SOBP: variants seen among roughly 807,000 people sequenced by gnomAD.
SOBP encodes sine oculis binding protein homolog.
Under a neutral mutation model 53.6 loss-of-function variants are expected in SOBP, and 4 were observed. The ratio of observed to expected loss-of-function variants is 0.07; its 90% confidence interval spans 0.04 to 0.17. The LOEUF (loss-of-function observed/expected upper bound fraction) is 0.17. SOBP is among the 10% of genes least tolerant of loss of function. The pLI is 1.00. For missense variants in SOBP, 1,088 were observed against 1,204.7 expected, an observed-to-expected ratio of 0.90 and a Z score of 1.43; for synonymous variants, 584 against 522.6, an observed-to-expected ratio of 1.12 and a Z score of -1.60.
chr6:107,610,610 G>A (rs1348480952), intron 5 of SOBP, among the ~76,000 whole-genome samples: 2 of 152,226 alleles, frequency 1.3e-5, no homozygotes, highest in Non-Finnish European at 2.9e-5. Context: ...AGCTCTTCAA[G>A]TGATTCTAAT....
intron 2 of SOBP, among the ~76,000 whole-genome samples, chr6:107,505,737 G>A (rs1782973328): frequency 6.6e-6 from 1 of 152,114 alleles, no homozygotes; most frequent in Non-Finnish European, 1.5e-5. Flanking sequence ...TGCAACCTCG[G>A]CCTCGCAGAT....
Position 107,633,951 on chromosome 6 carries a change from T to C in SOBP, c.1107T>C (p.Pro369=). The C allele has an allele frequency of 6.2e-7, 1 of 1,614,210 alleles. No individual in the cohort carries two copies. Among genetic ancestry groups the C allele is most frequent in the Non-Finnish European group, 8.5e-7 (1 of 1,180,026 alleles). ...PNIPPVSVQP[P]ASIGPPLGVP... ...TCCCTCCTGTCTCCGTCCAGCCACCTGCTAGCATCGGGCCTCCCCTTGGCG... is the reference window on the plus strand; with the variant it reads ...TCCCTCCTGTCTCCGTCCAGCCACCCGCTAGCATCGGGCCTCCCCTTGGCG... Residue 369 remains proline (P), a synonymous_variant, in exon 6 of 7, where the codon CCT becomes CCC. Coordinates refer to ENST00000317357, the MANE Select transcript of SOBP (RefSeq NM_018013.4).
intron 4 of SOBP, among the ~76,000 whole-genome samples, chr6:107,547,296 A>G (rs1784327386): frequency 1.3e-5 from 2 of 152,234 alleles, no homozygotes; most frequent in Non-Finnish European, 2.9e-5. Flanking sequence ...ACTTGGTCCC[A>G]TCTGTAGGGG....
chr6:107,502,035 T>G (rs576397955), intron 1 of SOBP, among the ~76,000 whole-genome samples: 69 of 152,310 alleles, frequency 4.5e-4, no homozygotes, highest in African/African-American at 1.6e-3. Flanking sequence ...CAGTTGGAGT[T>G]CAGAGCTTAC....
rs1024630027 is a variant in SOBP at position 107,516,298 on chromosome 6, C to G, written c.421+9871C>G. Among the ~76,000 whole-genome samples, 49 of 151,994 alleles carry G rather than the reference C, an allele frequency of 3.2e-4. 1 individual carries two copies. The highest frequency in any genetic ancestry group is 3.4e-3 in the Middle Eastern group (1 of 294). Reference sequence around the variant, plus strand: ...CCTTCACGGCAAAACCTAGTCTGTACTAAAAATACAAAAATTAGTAGGGTG... The same window carrying G: ...CCTTCACGGCAAAACCTAGTCTGTAGTAAAAATACAAAAATTAGTAGGGTG... On this transcript the variant is annotated intron_variant, in intron 3 of 6. Transcript: ENST00000317357.
chr6:107,546,494 C>T (rs1474882491), intron 4 of SOBP, among the ~76,000 whole-genome samples: 1 of 152,160 alleles, frequency 6.6e-6, no homozygotes, highest in Admixed American at 6.5e-5. Flanking sequence ...GGGCATCCAG[C>T]CTCTCTCAAG....
chr6:107,523,250 G>A (rs1316976206), intron 3 of SOBP, among the ~76,000 whole-genome samples: 2 of 152,160 alleles, frequency 1.3e-5, no homozygotes, highest in African/African-American at 4.8e-5. Context: ...GGACTATTTT[G>A]GCATGCTGTG....
rs763967126 is a variant in SOBP, at chr6:107,506,222, A to T, written c.236-20A>T. 5 of 1,609,484 alleles carry T rather than the reference A, an allele frequency of 3.1e-6. No individual in the cohort carries two copies. In the East Asian group the frequency reaches 1.1e-4, roughly 36 times the overall value. On this transcript the variant is annotated intron_variant, in intron 2 of 6. Coordinates refer to ENST00000317357, the MANE Select transcript of SOBP (RefSeq NM_018013.4). ...ATTACATTCCTTGGTCACATTGAAT[A>T]TGATTTTTTTCTTTTACAGAAAATT...
intron 6 of SOBP, among the ~76,000 whole-genome samples, chr6:107,638,128 G>A (rs77121799): frequency 0.034 from 5,242 of 152,290 alleles, 279 homozygotes; most frequent in East Asian, 0.14. Flanking sequence ...CAGAAGTTCC[G>A]TGTCACCTCA....
chr6:107,623,743 G>T (rs1770333561), intron 5 of SOBP, among the ~76,000 whole-genome samples: 1 of 152,176 alleles, frequency 6.6e-6, no homozygotes, highest in Non-Finnish European at 1.5e-5. Flanking sequence ...ACCCTCAAAA[G>T]ACCTTGAATA....
At chr6:107,562,057 G>C (rs1784787885) in intron 4 of SOBP, among the ~76,000 whole-genome samples, 2 of 148,756 alleles carry the variant, frequency 1.3e-5, no homozygotes, top group South Asian at 4.2e-4. Context: ...TTGAGACAGG[G>C]TCTCACTTTG....
intron 4 of SOBP, among the ~76,000 whole-genome samples, chr6:107,568,388 G>C (rs1314476347): frequency 6.6e-6 from 1 of 152,080 alleles, no homozygotes; most frequent in East Asian, 1.9e-4. Context: ...GATGAACAAC[G>C]GACTCAAATG....
chr6:107,540,799 G>A (rs1784129198), intron 4 of SOBP, among the ~76,000 whole-genome samples: 1 of 152,158 alleles, frequency 6.6e-6, no homozygotes, highest in African/African-American at 2.4e-5. Context: ...TGCTAACAGA[G>A]GTTTAGTCAC....
chr6:107,557,477 C>T (rs987898929), intron 4 of SOBP, among the ~76,000 whole-genome samples: 10 of 152,142 alleles, frequency 6.6e-5, no homozygotes, highest in Non-Finnish European at 8.8e-5. Context: ...AAAGTGTTAA[C>T]GGCTACTCTT....
At chr6:107,503,198 AAG>A (rs1485075202) in intron 1 of SOBP, among the ~76,000 whole-genome samples, 8 of 152,246 alleles carry the variant, frequency 5.3e-5, no homozygotes, top group Non-Finnish European at 1.2e-4. Flanking sequence ...TATCCGCGAT[AAG>A]AGTTATCTTA....
At chr6:107,619,030 C>G (rs80355265) in intron 5 of SOBP, among the ~76,000 whole-genome samples, 1 of 152,220 alleles carries the variant, frequency 6.6e-6, no homozygotes, top group East Asian at 1.9e-4. Flanking sequence ...CACAAGGGGA[C>G]GAGTAACGTT....
At chr6:107,509,033 A>G (rs1427425694) in intron 3 of SOBP, among the ~76,000 whole-genome samples, 1 of 152,180 alleles carries the variant, frequency 6.6e-6, no homozygotes, top group East Asian at 1.9e-4. Flanking sequence ...TCTTCACTTC[A>G]GTTTTCTCAT....
chr6:107,539,408 G>A (rs1008573232), intron 4 of SOBP, among the ~76,000 whole-genome samples: 1 of 152,142 alleles, frequency 6.6e-6, no homozygotes, highest in African/African-American at 2.4e-5. Context: ...GGTCACCTGG[G>A]GATCAATACA....
At chr6:107,550,696 T>C (rs956442059) in intron 4 of SOBP, among the ~76,000 whole-genome samples, 2 of 151,922 alleles carry the variant, frequency 1.3e-5, no homozygotes, top group African/African-American at 4.8e-5. Flanking sequence ...GACCAAAATA[T>C]AGATTCAGGA....
Sources: gnomAD v4.1 joint callset for allele counts (sites outside exome capture counted in the v4.1 genomes callset) on GRCh38, gnomAD v4.1.1 for gene constraint, MANE v1.5 for transcripts, NCBI Gene and HGNC (gene_info 2026-07-23, HGNC 2026-07-21) for gene names.